CDH12: variants seen among roughly 807,000 people sequenced by gnomAD.
CDH12 encodes cadherin 12.
A neutral mutation model predicts 74.1 loss-of-function variants in CDH12; 41 were observed. The observed-to-expected ratio is 0.55, with a 90% CI of 0.43 to 0.72. The LOEUF (loss-of-function observed/expected upper bound fraction) is 0.72. Ranked by LOEUF, CDH12 falls within the 30% of genes least tolerant of loss-of-function variation. CDH12 has a pLI of 0.00. For synonymous variants in CDH12, 399 were observed against 355.0 expected (o/e 1.12, Z -1.39); for missense variants, 945 against 977.2 (o/e 0.97, Z 0.44).
chr5:21,967,018 T>C (rs1294191809), intron 6 of CDH12, among the ~76,000 whole-genome samples: 2 of 152,036 alleles, frequency 1.3e-5, no homozygotes, highest in African/African-American at 4.8e-5. Context: ...CCTGAATCAG[T>C]GGGTATAATT....
chr5:22,529,574 T>C (rs1737492584), intron 1 of CDH12, among the ~76,000 whole-genome samples: 1 of 152,146 alleles, frequency 6.6e-6, no homozygotes, highest in Non-Finnish European at 1.5e-5. Context: ...ACTCACATTA[T>C]GGAATGCAAT....
At chr5:22,833,370 C>T (rs1012659388) in intron 1 of CDH12, among the ~76,000 whole-genome samples, 1 of 152,102 alleles carries the variant, frequency 6.6e-6, no homozygotes, top group Non-Finnish European at 1.5e-5. Flanking sequence ...GTGAAGATGC[C>T]TTACAGCCAC....
chr5:22,794,081 C>A (rs1328202993), intron 1 of CDH12, among the ~76,000 whole-genome samples: 1 of 152,150 alleles, frequency 6.6e-6, no homozygotes, highest in Non-Finnish European at 1.5e-5. Flanking sequence ...CTCTCAAACC[C>A]CCCACATCTG....
chr5:22,287,594 G>A (rs959950438), intron 3 of CDH12, among the ~76,000 whole-genome samples: 5 of 151,598 alleles, frequency 3.3e-5, no homozygotes, highest in African/African-American at 1.2e-4. Flanking sequence ...GCGGTGGCGG[G>A]CGCCTGTAGT....
At chr5:22,011,343 C>A (rs975326174) in intron 5 of CDH12, among the ~76,000 whole-genome samples, 2 of 152,136 alleles carry the variant, frequency 1.3e-5, no homozygotes, top group Admixed American at 1.3e-4. Flanking sequence ...AGAAAATATT[C>A]TGTGAAACAT....
chr5:22,224,727 T>C (rs1477200980), intron 3 of CDH12, among the ~76,000 whole-genome samples: 17 of 151,894 alleles, frequency 1.1e-4, no homozygotes, highest in Admixed American at 1.1e-3. Context: ...GCAATATCAA[T>C]TTAATTTAAC....
At chr5:21,781,156 A>G (rs7449260) in intron 11 of CDH12, among the ~76,000 whole-genome samples, 106,297 of 151,990 alleles carry the variant, frequency 0.7, 38,746 homozygotes, top group Non-Finnish European at 0.81. Flanking sequence ...CTGTTTTAAC[A>G]TCATAAAGAT....
chr5:22,512,189 C>A (rs75635600), intron 1 of CDH12, among the ~76,000 whole-genome samples: 1 of 151,798 alleles, frequency 6.6e-6, no homozygotes, highest in Non-Finnish European at 1.5e-5. Context: ...AAAGACAACA[C>A]GAGGGCAACA....
intron 1 of CDH12, among the ~76,000 whole-genome samples, chr5:22,512,157 G>A (rs1200654325): frequency 6.6e-6 from 1 of 152,232 alleles, no homozygotes; most frequent in African/African-American, 2.4e-5. Flanking sequence ...AATACAGTGA[G>A]CCAGAGTCAC....
intron 2 of CDH12, among the ~76,000 whole-genome samples, chr5:22,474,854 C>A (rs1244876227): frequency 6.6e-6 from 1 of 151,976 alleles, no homozygotes; most frequent in Non-Finnish European, 1.5e-5. Context: ...AGCCATAGTA[C>A]AAATAAAGAA....
intron 4 of CDH12, among the ~76,000 whole-genome samples, chr5:22,160,893 C>T (rs1283766480): frequency 6.6e-6 from 1 of 152,130 alleles, no homozygotes; most frequent in Non-Finnish European, 1.5e-5. Context: ...GAAAAGCAAA[C>T]ATTTAGATCA....
chr5:22,501,379 T>C (rs1211826962), intron 2 of CDH12, among the ~76,000 whole-genome samples: 2 of 152,186 alleles, frequency 1.3e-5, no homozygotes, highest in East Asian at 3.9e-4. Context: ...GTCTCACTTG[T>C]AGTAAACCTG....
chr5:22,515,282 T>C (rs10462227), intron 1 of CDH12, among the ~76,000 whole-genome samples: 21,242 of 152,116 alleles, frequency 0.14, 2,250 homozygotes, highest in East Asian at 0.37. Flanking sequence ...GGAATTCAGA[T>C]ATTTTTCCCC....
intron 2 of CDH12, among the ~76,000 whole-genome samples, chr5:22,460,528 T>C (rs1300863979): frequency 6.6e-6 from 1 of 152,160 alleles, no homozygotes; most frequent in Non-Finnish European, 1.5e-5. Context: ...AATTACTCAT[T>C]ATTTAATAAC....
At chr5:22,154,986 T>C (rs1437311972) in intron 4 of CDH12, among the ~76,000 whole-genome samples, 1 of 152,248 alleles carries the variant, frequency 6.6e-6, no homozygotes, top group South Asian at 2.1e-4. Context: ...GGTTGTAAGA[T>C]TGAGGTCCCT....
chr5:22,411,228 T>C (rs2126472817), intron 2 of CDH12, among the ~76,000 whole-genome samples: 1 of 152,140 alleles, frequency 6.6e-6, no homozygotes, highest in Admixed American at 6.6e-5. Flanking sequence ...TATTACATAG[T>C]ATAAAACTGC....
chr5:22,664,607 A>G (rs574199457), intron 1 of CDH12, among the ~76,000 whole-genome samples: 1 of 152,314 alleles, frequency 6.6e-6, no homozygotes, highest in East Asian at 1.9e-4. Context: ...AAATGTTTAT[A>G]AGCAAATACT....
chr5:21,767,982 C>G (rs1745118327), intron 11 of CDH12, among the ~76,000 whole-genome samples: 1 of 151,666 alleles, frequency 6.6e-6, no homozygotes. Context: ...ACTGACTCAT[C>G]TAATGAATAT....
At chr5:22,175,776 C>T (rs1211002151) in intron 4 of CDH12, among the ~76,000 whole-genome samples, 2 of 152,048 alleles carry the variant, frequency 1.3e-5, no homozygotes. Context: ...TCCCTGATGG[C>T]TCATCTCCTC....
Sources: allele counts gnomAD v4.1 joint callset (sites outside exome capture counted in the v4.1 genomes callset), GRCh38; gene constraint gnomAD v4.1.1; transcripts MANE v1.5; gene names NCBI Gene and HGNC (gene_info 2026-07-23, HGNC 2026-07-21).